Variants in CELF2 observed in about 807,000 individuals in gnomAD.
CELF2 encodes the protein CUGBP Elav-like family member 2, also known as CUG triplet repeat RNA-binding protein 2.
A neutral mutation model predicts 62.6 loss-of-function variants in CELF2; 8 were observed. The ratio of observed to expected loss-of-function variants is 0.13; its 90% confidence interval spans 0.07 to 0.23. CELF2 has a LOEUF of 0.23. CELF2 is among the 10% of genes least tolerant of loss of function. The pLI is 1.00. For synonymous variants in CELF2, 258 were observed against 250.0 expected (o/e 1.03, Z -0.30); for missense variants, 333 against 671.0 (o/e 0.50, Z 5.56).
the CELF2 span, among the ~76,000 whole-genome samples, chr10:10,555,575 C>A: frequency 6.6e-6 from 1 of 152,140 alleles, no homozygotes; most frequent in Non-Finnish European, 1.5e-5. Flanking sequence ...ATAAACATAA[C>A]CTATACATTA....
At chr10:11,209,782 C>T (rs1001944488) in intron 2 of CELF2, among the ~76,000 whole-genome samples, 2 of 21,578 alleles carry the variant, frequency 9.3e-5, no homozygotes, top group African/African-American at 2.8e-4. Flanking sequence ...AGCCTTTGGA[C>T]TCTGGAAAAA....
chr10:11,015,432 G>A (rs185355771), upstream of CELF2, among the ~76,000 whole-genome samples: 2 of 152,278 alleles, frequency 1.3e-5, no homozygotes, highest in Non-Finnish European at 2.9e-5. This position sits in a 1 kb window ranked among gnomAD's most constrained non-coding sequence, Gnocchi z 4.8. Context: ...TGATGTGTGT[G>A]AGTATTTAGT....
intron 2 of CELF2, chr10:10,927,346 TAAAAAAAA>T: frequency 1.2e-5 from 1 of 85,844 alleles, no homozygotes; most frequent in East Asian, 5.7e-4. Flanking sequence ...CTAGTGACAT[TAAAAAAAA>T]AAAAAAAAAA....
At chr10:10,510,617 T>G in the CELF2 span, among the ~76,000 whole-genome samples, 1 of 152,200 alleles carries the variant, frequency 6.6e-6, no homozygotes, top group Non-Finnish European at 1.5e-5. Context: ...ACTGGGGTGC[T>G]GGCAGTAAAC....
intron 11 of CELF2, among the ~76,000 whole-genome samples, chr10:11,322,238 T>C (rs773532693): frequency 6.6e-6 from 1 of 152,206 alleles, no homozygotes. Flanking sequence ...AGGTGAATGA[T>C]GAAATCCATG....
intron 3 of CELF2, among the ~76,000 whole-genome samples, chr10:11,229,886 A>G (rs182007926): frequency 6.6e-6 from 1 of 152,290 alleles, no homozygotes; most frequent in East Asian, 1.9e-4. Flanking sequence ...CACCATGCCC[A>G]GCCTAGTATT....
At chr10:10,728,641 C>G in the CELF2 span, among the ~76,000 whole-genome samples, 1 of 151,996 alleles carries the variant, frequency 6.6e-6, no homozygotes, top group African/African-American at 2.4e-5. Context: ...AGCAGGAGGA[C>G]TTTTGTAAAG....
chr10:10,911,174 G>A (rs373899120), intron 1 of CELF2, among the ~76,000 whole-genome samples: 28 of 152,206 alleles, frequency 1.8e-4, no homozygotes, highest in African/African-American at 6.7e-4. Flanking sequence ...TCGAAATGAC[G>A]GAAGGGACAC....
intron 1 of CELF2, among the ~76,000 whole-genome samples, chr10:10,843,034 A>G (rs1008934167): frequency 3.3e-5 from 5 of 152,014 alleles, no homozygotes; most frequent in African/African-American, 1.2e-4. Flanking sequence ...TATGTTTTTT[A>G]AGGAGTCAGT....
chr10:10,827,370 C>T (rs1462848718), intron 1 of CELF2, among the ~76,000 whole-genome samples: 6 of 152,104 alleles, frequency 3.9e-5, no homozygotes, highest in South Asian at 2.1e-4. Context: ...TTCTTCATCA[C>T]GTCTCCTTCT....
chr10:10,816,837 G>C (rs1335860660), intron 1 of CELF2, among the ~76,000 whole-genome samples: 1 of 152,208 alleles, frequency 6.6e-6, no homozygotes, highest in Non-Finnish European at 1.5e-5. Flanking sequence ...TAAAAAGACA[G>C]CTTGTAGCCA....
At chr10:10,537,019 C>T in the CELF2 span, among the ~76,000 whole-genome samples, 2 of 152,142 alleles carry the variant, frequency 1.3e-5, no homozygotes, top group Non-Finnish European at 2.9e-5. Context: ...TCACTTGCTG[C>T]TGCTGCTGCT....
chr10:11,136,393 A>T (rs753983468), intron 1 of CELF2, among the ~76,000 whole-genome samples: 1 of 152,154 alleles, frequency 6.6e-6, no homozygotes, highest in Non-Finnish European at 1.5e-5. Flanking sequence ...ACCTGAGGTC[A>T]GGAGTCGAGA....
the CELF2 span, among the ~76,000 whole-genome samples, chr10:10,693,424 G>C: frequency 2.0e-5 from 3 of 150,012 alleles, no homozygotes; most frequent in Non-Finnish European, 4.4e-5. Context: ...GTATTTTATT[G>C]AGGATTTTTG....
At chr10:11,002,255 A>G (rs1761147465), upstream of CELF2, among the ~76,000 whole-genome samples, 1 of 152,318 alleles carries the variant, frequency 6.6e-6, no homozygotes, top group East Asian at 1.9e-4. This position sits in a 1 kb window ranked among gnomAD's most constrained non-coding sequence, Gnocchi z 4.4. Flanking sequence ...CACTACCACG[A>G]GAACAGAATG....
At chr10:11,181,329 T>G (rs1283743254) in intron 2 of CELF2, among the ~76,000 whole-genome samples, 1 of 152,246 alleles carries the variant, frequency 6.6e-6, no homozygotes, top group African/African-American at 2.4e-5. Context: ...CATTTCGGAA[T>G]GAATACTCCT....
intron 2 of CELF2, among the ~76,000 whole-genome samples, chr10:10,961,528 C>T (rs2049499629): frequency 1.3e-5 from 2 of 151,798 alleles, no homozygotes; most frequent in African/African-American, 2.4e-5. Context: ...GAGCGGATCA[C>T]GTGAGGTCAA....
At chr10:11,080,458 A>G (rs2073701157) in intron 1 of CELF2, among the ~76,000 whole-genome samples, 2 of 152,220 alleles carry the variant, frequency 1.3e-5, no homozygotes, top group African/African-American at 4.8e-5. Flanking sequence ...CCAGGAACAT[A>G]CAGTTTGCAG....
the CELF2 span, among the ~76,000 whole-genome samples, chr10:10,727,548 G>A: frequency 1.3e-5 from 2 of 152,036 alleles, no homozygotes; most frequent in African/African-American, 2.4e-5. Context: ...AGGCCGAGGC[G>A]GGTGGATCAT....
Sources: gnomAD v4.1 joint callset for allele counts (sites outside exome capture counted in the v4.1 genomes callset) on GRCh38, gnomAD v4.1.1 for gene constraint, Gnocchi (gnomAD v3.1) non-coding constraint, MANE v1.5 for transcripts, NCBI Gene and HGNC (gene_info 2026-07-23, HGNC 2026-07-21) for gene names.